KCNA6: variants seen among roughly 807,000 people sequenced by gnomAD.
The protein encoded by KCNA6 is potassium voltage-gated channel subfamily A member 6, also known as human brain potassium channel-2.
KCNA6 carries 17 observed loss-of-function variants against 29.5 expected under a neutral mutation model. The observed-to-expected ratio is 0.58, with a 90% CI of 0.39 to 0.86. The LOEUF is 0.86. Ranked by LOEUF, KCNA6 falls within the 40% of genes least tolerant of loss-of-function variation. KCNA6 has a pLI of 0.00. For missense variants in KCNA6, 450 were observed against 703.4 expected, an observed-to-expected ratio of 0.64 and a Z score of 4.07; for synonymous variants, 296 against 304.7, an observed-to-expected ratio of 0.97 and a Z score of 0.30.
chr12:4,827,229 C>CT, the KCNA6 span, among the ~76,000 whole-genome samples: 366 of 64,920 alleles, frequency 5.6e-3, 1 homozygote, highest in African/African-American at 0.018. Flanking sequence ...TCCTTCCTTC[C>CT]TCCTTCCTTC....
At chr12:4,831,043 C>T in the KCNA6 span, among the ~76,000 whole-genome samples, 1 of 152,346 alleles carries the variant, frequency 6.6e-6, no homozygotes, top group East Asian at 1.9e-4. Context: ...GATCTTTCAG[C>T]GCTGACTTTC....
chr12:4,842,018 T>C, the KCNA6 span, among the ~76,000 whole-genome samples: 1 of 79,130 alleles, frequency 1.3e-5, no homozygotes, highest in Non-Finnish European at 3.2e-5. Context: ...CTTACGTGTG[T>C]GTGTGTGTGT....
At chr12:4,838,655 T>C in the KCNA6 span, among the ~76,000 whole-genome samples, 1 of 152,208 alleles carries the variant, frequency 6.6e-6, no homozygotes, top group Admixed American at 6.5e-5. Context: ...ACTTGGAGGC[T>C]TCAATAACAG....
chr12:4,830,354 C>T, the KCNA6 span, among the ~76,000 whole-genome samples: 1 of 152,202 alleles, frequency 6.6e-6, no homozygotes, highest in Non-Finnish European at 1.5e-5. Flanking sequence ...TTCCACACCC[C>T]CATCCCAAAT....
the KCNA6 span, among the ~76,000 whole-genome samples, chr12:4,834,499 C>CA: frequency 6.6e-6 from 1 of 152,122 alleles, no homozygotes; most frequent in Non-Finnish European, 1.5e-5. Flanking sequence ...TACGAGTAAA[C>CA]AGCTGACTGA....
At position 4,811,670 on chromosome 12, in the gene KCNA6, T is replaced by C; in HGVS notation, c.*39T>C. ...GGCCTGCAGGAGGGGAGCACTGAGC[T>C]AACAGTCTCTTAGGCTTCCTTCTCA... On this transcript the variant is annotated 3_prime_UTR_variant, in exon 1 of 1. Coordinates refer to ENST00000280684, the Ensembl canonical transcript of KCNA6. This position sits in a 1 kb window ranked among gnomAD's most constrained non-coding sequence, Gnocchi z 7.1. 6.3e-7 allele frequency: 1 copy of C among 1,579,092 alleles called. No homozygotes were observed. Among genetic ancestry groups the C allele is most frequent in the Middle Eastern group, 1.7e-4 (1 of 5,866 alleles).
chr12:4,817,083 A>G (rs1052319765), downstream of KCNA6, among the ~76,000 whole-genome samples: 1 of 152,248 alleles, frequency 6.6e-6, no homozygotes, highest in African/African-American at 2.4e-5. Flanking sequence ...TGGAGCTGCC[A>G]TCCTGGCTCA....
At chr12:4,830,172 A>C in the KCNA6 span, among the ~76,000 whole-genome samples, 1 of 152,136 alleles carries the variant, frequency 6.6e-6, no homozygotes, top group Non-Finnish European at 1.5e-5. Flanking sequence ...CCCATGCTCC[A>C]TCCCACTTAA....
At chr12:4,833,565 G>A in the KCNA6 span, among the ~76,000 whole-genome samples, 1 of 152,244 alleles carries the variant, frequency 6.6e-6, no homozygotes, top group Admixed American at 6.5e-5. Flanking sequence ...GGCAGGTGGA[G>A]CATTGGAAGC....
At chr12:4,827,506 T>A in the KCNA6 span, among the ~76,000 whole-genome samples, 1 of 152,150 alleles carries the variant, frequency 6.6e-6, no homozygotes, top group Non-Finnish European at 1.5e-5. Flanking sequence ...ATTCCCTGGG[T>A]CTCAGATTCC....
At chr12:4,829,510 C>G in the KCNA6 span, among the ~76,000 whole-genome samples, 7 of 152,094 alleles carry the variant, frequency 4.6e-5, no homozygotes, top group African/African-American at 1.4e-4. Context: ...TGAGAATATG[C>G]CTTTTTAAAA....
chr12:4,825,501 A>G, the KCNA6 span, among the ~76,000 whole-genome samples: 4 of 152,182 alleles, frequency 2.6e-5, no homozygotes, highest in Admixed American at 2.6e-4. Flanking sequence ...TCCAACAAAT[A>G]CATTTTGGAA....
At chr12:4,830,488 C>T in the KCNA6 span, among the ~76,000 whole-genome samples, 1 of 152,226 alleles carries the variant, frequency 6.6e-6, no homozygotes, top group African/African-American at 2.4e-5. Context: ...TGGTGAGTCC[C>T]ACTCCGGACA....
chr12:4,830,271 C>T, the KCNA6 span, among the ~76,000 whole-genome samples: 3 of 152,270 alleles, frequency 2.0e-5, no homozygotes, highest in East Asian at 3.9e-4. Context: ...GACGTGCTGC[C>T]CCCCAGCTCC....
At chr12:4,827,190 T>TTCCTTCCTTCC in the KCNA6 span, among the ~76,000 whole-genome samples, 416 of 80,088 alleles carry the variant, frequency 5.2e-3, 5 homozygotes, top group African/African-American at 0.013. Flanking sequence ...CCTTCCCTCC[T>TTCCTTCCTTCC]TCCTTCCTTC....
Position 4,810,801 on chromosome 12 carries a change from C to G in KCNA6, c.760C>G (p.Leu254Val). 6.3e-7 allele frequency: 1 copy of G among 1,591,356 alleles called. No individual in the cohort carries two copies. Among genetic ancestry groups the G allele is most frequent in the Non-Finnish European group, 8.6e-7 (1 of 1,169,300 alleles). Residue 254 changes from leucine to valine, a missense_variant, in exon 1 of 1, where the codon CTT becomes GTT. Leu to Val is a conservative substitution (Grantham distance 32). Transcript: ENST00000280684. The surrounding 1 kb of genome is among the most constrained non-coding windows in gnomAD (Gnocchi z 7.5). The stretch of plus-strand genomic sequence containing the variant: ...CGGGGGCTCCTCCTCACTCAGTACT[C>G]TTGGGGGCTCCTTCTTTACAGACCC...
At position 4,810,364 on chromosome 12, in the gene KCNA6, G is replaced by C. The variant is rs1188354582; in HGVS notation, c.323G>C (p.Arg108Thr). The change falls in exon 1 of 1, where the codon AGG (arginine) becomes ACG (threonine). Residue 108 changes from arginine to threonine, a missense_variant. Physicochemically the swap from Arg to Thr is moderately conservative, Grantham distance 71 (BLOSUM62 -1). Around this residue, in one of 7 missense-constraint regions of KCNA6, gnomAD observed 133 missense variants for 217.5 expected, o/e 0.61. Transcript: ENST00000280684. This position sits in a 1 kb window ranked among gnomAD's most constrained non-coding sequence, Gnocchi z 7.5. ...TACCAGTCTGGGGGCCGCCTGCGGA[G>C]GCCGGTCAACGTGCCCCTGGACATT... The C allele has an allele frequency of 6.2e-7, 1 of 1,614,192 alleles. No individual in the cohort carries two copies. Among genetic ancestry groups the C allele is most frequent in the South Asian group, 1.1e-5 (1 of 91,080 alleles).
chr12:4,813,568 A>G (rs7303721), downstream of KCNA6: 57,840 of 166,870 alleles, frequency 0.35, 10,330 homozygotes, highest in South Asian at 0.54. Context: ...TTCAGAAAGG[A>G]GAGTTCTCTT....
At chr12:4,848,718 G>A in the KCNA6 span, among the ~76,000 whole-genome samples, 102 of 152,034 alleles carry the variant, frequency 6.7e-4, no homozygotes, top group African/African-American at 2.4e-3. Context: ...ATTTTTAGTA[G>A]AGACGGGGTT....
Sources: gnomAD v4.1 joint callset for allele counts (sites outside exome capture counted in the v4.1 genomes callset) on GRCh38, gnomAD v4.1.1 for gene constraint, gnomAD v4.1.1 regional missense constraint, Gnocchi (gnomAD v3.1) non-coding constraint, MANE v1.5 for transcripts, NCBI Gene and HGNC (gene_info 2026-07-23, HGNC 2026-07-21) for gene names.